Variants in STK40 observed in about 807,000 individuals in gnomAD.
The protein encoded by STK40 is serine/threonine-protein kinase 40.
A neutral mutation model predicts 47.9 loss-of-function variants in STK40; 13 were observed. The ratio of observed to expected loss-of-function variants is 0.27; its 90% confidence interval spans 0.18 to 0.43. The LOEUF (loss-of-function observed/expected upper bound fraction) is 0.43. Among genes scored for constraint, STK40 ranks in the 20% least tolerant of loss-of-function variants. The probability of loss-of-function intolerance (pLI) is 1.00; values close to 1 mark genes in which losing one functional copy is unlikely to be tolerated. For synonymous variants in STK40, 225 were observed against 243.2 expected (o/e 0.93, Z 0.69); for missense variants, 460 against 595.1 (o/e 0.77, Z 2.36).
intron 1 of STK40, among the ~76,000 whole-genome samples, chr1:36,370,293 C>T (rs1483589411): frequency 6.6e-6 from 1 of 152,226 alleles, no homozygotes; most frequent in Non-Finnish European, 1.5e-5. Flanking sequence ...CAAATCCAGC[C>T]AAACGATCTG....
At chr1:36,346,767 C>T (rs926438060) in intron 7 of STK40, among the ~76,000 whole-genome samples, 2 of 152,242 alleles carry the variant, frequency 1.3e-5, no homozygotes, top group African/African-American at 4.8e-5. Context: ...GGGAGGGCCA[C>T]AGAGCCTCAG....
At chr1:36,352,021 C>T (rs1010424458) in intron 6 of STK40, among the ~76,000 whole-genome samples, 1 of 152,158 alleles carries the variant, frequency 6.6e-6, no homozygotes, top group African/African-American at 2.4e-5. Context: ...ATGGGACTGG[C>T]CCAAGGCCCC....
chr1:36,372,514 G>A (rs1203482883), intron 1 of STK40: 2 of 151,892 alleles, frequency 1.3e-5, no homozygotes, highest in African/African-American at 4.8e-5. Context: ...GCTAGCTGTT[G>A]GAAGAGGTGG....
chr1:36,357,969 G>C (rs1646819614), intron 4 of STK40, among the ~76,000 whole-genome samples: 1 of 152,142 alleles, frequency 6.6e-6, no homozygotes, highest in Non-Finnish European at 1.5e-5. Flanking sequence ...CGGAAAAGTG[G>C]CTCTTCAAAG....
Position 36,341,557 on chromosome 1 carries a change from A to G in STK40, c.*198T>C, listed in dbSNP as rs993739863. 3.3e-6 allele frequency: 2 copies of G among 611,556 alleles called. No homozygotes were observed. The allele number at this position is 611,556 out of a possible 1,614,324, so 37.9% of individuals were successfully genotyped here. ...TAGGCTTCTCAGATTTAAAAACCAA[A>G]CAATCGAGCAATCATCCCAAAAGGT... On this transcript the variant is annotated 3_prime_UTR_variant, in exon 11 of 11. Transcript: ENST00000373132.
intron 1 of STK40, among the ~76,000 whole-genome samples, chr1:36,383,070 T>G (rs1647054575): frequency 6.6e-6 from 1 of 152,194 alleles, no homozygotes; most frequent in African/African-American, 2.4e-5. Context: ...TGTCTCAGCC[T>G]CCTGAGTAGC....
In STK40 at chr1:36,348,700, C is replaced by T. The variant is rs762048216; in HGVS notation, c.739G>A (p.Gly247Ser). 30 of 1,602,752 alleles carry T rather than the reference C, an allele frequency of 1.9e-5. No homozygotes were observed. In the South Asian group the frequency reaches 2.5e-4, roughly 13 times the overall value. ...PAYISPDVLS[G>S]RPYRGKPSDM... ...CCCAATGTCTGGCACACACACGTAC[C>T]GCTGAGCACGTCGGGACTGATGTAG... Residue 247 changes from glycine (G) to serine (S), a missense_variant and splice_region_variant, in exon 7 of 11, where the codon GGC becomes AGC. Transcript: ENST00000373132.
chr1:36,371,653 C>G (rs1017398852), intron 1 of STK40, among the ~76,000 whole-genome samples: 2 of 146,118 alleles, frequency 1.4e-5, no homozygotes, highest in African/African-American at 2.6e-5. Flanking sequence ...CCACTGTACT[C>G]CAGCCTGCGT....
At chr1:36,373,021 G>A (rs758367027) in intron 1 of STK40, among the ~76,000 whole-genome samples, 2 of 152,172 alleles carry the variant, frequency 1.3e-5, no homozygotes, top group Admixed American at 6.5e-5. Flanking sequence ...GACAAGTTAC[G>A]CAAATGCCAA....
intron 1 of STK40, among the ~76,000 whole-genome samples, chr1:36,377,995 G>A (rs1234354864): frequency 6.6e-6 from 1 of 152,232 alleles, no homozygotes; most frequent in Non-Finnish European, 1.5e-5. Flanking sequence ...AGGAAGCTGG[G>A]GTTGGAGACA....
At chr1:36,359,460 G>T (rs1264335125) in intron 2 of STK40, among the ~76,000 whole-genome samples, 1 of 152,162 alleles carries the variant, frequency 6.6e-6, no homozygotes, top group African/African-American at 2.4e-5. Context: ...CAACTTCAGG[G>T]TGAGGATCCA....
At position 36,341,607 on chromosome 1, in the gene STK40, C is replaced by A. The variant is rs1646647597; in HGVS notation, c.*148G>T. ...TAGCTTCGTGGTACCTCTGCTGACC[C>A]CACGTGTGACCTGGGCTGTCCCTGT... is the stretch of plus-strand genomic sequence containing the variant. On this transcript the variant is annotated 3_prime_UTR_variant, in exon 11 of 11. Coordinates refer to ENST00000373132, the MANE Select transcript of STK40 (RefSeq NM_001282547.2). 5.6e-6 allele frequency: 5 copies of A among 898,922 alleles called. No individual in the cohort carries two copies. The highest frequency in any genetic ancestry group is 8.3e-6 in the Non-Finnish European group (5 of 599,042). 55.7% of individuals were successfully genotyped at this position (898,922 alleles called of 1,614,324 possible). A position where few individuals can be genotyped will look rare whatever the true frequency, so the allele number is the denominator to read the frequency against.
chr1:36,380,648 G>C (rs985191091), intron 1 of STK40, among the ~76,000 whole-genome samples: 2 of 152,220 alleles, frequency 1.3e-5, no homozygotes, highest in Non-Finnish European at 2.9e-5. Context: ...ATGCTGAATC[G>C]GGGTGGATAT....
intron 2 of STK40, among the ~76,000 whole-genome samples, chr1:36,359,231 ACTT>A (rs1178037285): frequency 6.6e-6 from 1 of 151,854 alleles, no homozygotes; most frequent in Non-Finnish European, 1.5e-5. Flanking sequence ...ACACAGTGAG[ACTT>A]CTTCTCTACA....
At chr1:36,356,979 T>C (rs1646811487) in intron 4 of STK40, among the ~76,000 whole-genome samples, 1 of 152,232 alleles carries the variant, frequency 6.6e-6, no homozygotes, top group Admixed American at 6.5e-5. Flanking sequence ...GAGTCACCTC[T>C]AATTGCAAAT....
intron 4 of STK40, among the ~76,000 whole-genome samples, chr1:36,357,321 C>T (rs1403478520): frequency 1.3e-5 from 2 of 152,250 alleles, no homozygotes; most frequent in Non-Finnish European, 2.9e-5. Flanking sequence ...GCCTCTCAAA[C>T]AGCAGGTCTG....
intron 6 of STK40, 57 bp downstream of exon 6, chr1:36,354,307 T>C (rs1161979657): frequency 6.3e-7 from 1 of 1,591,240 alleles, no homozygotes; most frequent in Admixed American, 1.7e-5. Context: ...AGAGTTGCAA[T>C]GTGTAGCCTG....
rs1450757122 is a variant in STK40 at position 36,385,750 on chromosome 1, C to T, written c.-36G>A. On this transcript the variant is annotated 5_prime_UTR_variant, in exon 1 of 11. Coordinates refer to ENST00000373132, the MANE Select transcript of STK40 (RefSeq NM_001282547.2). ...TCGCCGGGTGGTCAGAGCTATTCGC[C>T]CATAGTCCGTAGCCCAGAGCCGGGG... 1.3e-5 allele frequency: 2 copies of T among 155,370 alleles called. No individual in the cohort carries two copies. Among genetic ancestry groups the T allele is most frequent in the Non-Finnish European group, 2.9e-5 (2 of 70,040 alleles). The allele number at this position is 155,370 out of a possible 1,614,324, so 9.6% of individuals were successfully genotyped here. A position where few individuals can be genotyped will look rare whatever the true frequency, so the allele number is the denominator to read the frequency against.
At chr1:36,371,581 A>G (rs548283709) in intron 1 of STK40, among the ~76,000 whole-genome samples, 2 of 151,034 alleles carry the variant, frequency 1.3e-5, no homozygotes, top group East Asian at 3.9e-4. Flanking sequence ...TAATGACAAG[A>G]AAAAACAGTC....
Sources: allele counts gnomAD v4.1 joint callset (sites outside exome capture counted in the v4.1 genomes callset), GRCh38; gene constraint gnomAD v4.1.1; transcripts MANE v1.5; gene names NCBI Gene and HGNC (gene_info 2026-07-23, HGNC 2026-07-21).